The following CASD1 variants were observed in gnomAD, a reference collection of about 807,000 sequenced individuals.
The protein encoded by CASD1 is CAS1 domain sialic acid O acetyltransferase 1.
CASD1 carries 41 observed loss-of-function variants against 100.0 expected under a neutral mutation model. The observed-to-expected ratio is 0.41, with a 90% CI of 0.32 to 0.53. The LOEUF (loss-of-function observed/expected upper bound fraction) is 0.53. CASD1 is among the 20% of genes least tolerant of loss of function. The pLI is 0.25. For synonymous variants in CASD1, 321 were observed against 315.6 expected (o/e 1.02, Z -0.18); for missense variants, 774 against 948.7 (o/e 0.82, Z 2.42).
chr7:94,567,182 A>G, the CASD1 span, among the ~76,000 whole-genome samples: 1 of 151,832 alleles, frequency 6.6e-6, no homozygotes, highest in Non-Finnish European at 1.5e-5. Context: ...TCACACCCAC[A>G]TACCAGATTT....
Position 94,539,631 on chromosome 7 carries a change from T to C in CASD1, c.1356+575T>C, listed in dbSNP as rs1324319167. 4.8e-5 allele frequency among the ~76,000 whole-genome samples: 7 copies of C among 145,204 alleles called. No homozygotes were observed. In the Admixed American group the frequency reaches 5.0e-4, roughly 10 times the overall value. On this transcript the variant is annotated intron_variant, in intron 10 of 17. Coordinates refer to ENST00000297273, the MANE Select transcript of CASD1 (RefSeq NM_022900.5). ...TTGCAATGAGCCGATATTTCACCAC[T>C]GTACTCCAGCCTGGGTTGCAGAGTG...
the CASD1 span, chr7:94,588,633 T>A: frequency 5.8e-6 from 9 of 1,557,796 alleles, no homozygotes; most frequent in Non-Finnish European, 6.2e-6. Flanking sequence ...GCCATAATTA[T>A]CTTTTAATCT....
In CASD1 at chr7:94,533,253, A is replaced by G; in HGVS notation, c.504+4A>G. ...GATTGTAGCAGGAGCTGCCACAGTA[A>G]GTTATCATCTGTATTCTTACTTAAT... On this transcript the variant is annotated splice_donor_region_variant and intron_variant, in intron 6 of 17. Coordinates refer to ENST00000297273, the MANE Select transcript of CASD1 (RefSeq NM_022900.5). 3 of 1,607,624 alleles carry G rather than the reference A, an allele frequency of 1.9e-6. No homozygotes were observed. The highest frequency in any genetic ancestry group is 2.6e-6 in the Non-Finnish European group (3 of 1,175,352).
the CASD1 span, chr7:94,624,324 A>G: frequency 2.5e-6 from 1 of 397,650 alleles, no homozygotes; most frequent in Non-Finnish European, 4.4e-6. Flanking sequence ...CAAATATCAA[A>G]GATTTTTATA....
intron 9 of CASD1, 72 bp downstream of exon 9, chr7:94,537,966 TATC>T: frequency 6.0e-6 from 5 of 829,896 alleles, no homozygotes; most frequent in Non-Finnish European, 9.4e-6. Context: ...AAAGAACTAA[TATC>T]ATTTATCATG....
the CASD1 span, among the ~76,000 whole-genome samples, chr7:94,577,000 A>G: frequency 6.6e-6 from 1 of 152,056 alleles, no homozygotes; most frequent in Non-Finnish European, 1.5e-5. Flanking sequence ...CTTATAATTT[A>G]TATCTTTTTA....
At chr7:94,558,351 T>C (rs1796275506), downstream of CASD1, among the ~76,000 whole-genome samples, 1 of 152,200 alleles carries the variant, frequency 6.6e-6, no homozygotes, top group East Asian at 1.9e-4. Context: ...ATTCAGTGTT[T>C]TGTGTAATGA....
chr7:94,554,967 T>G (rs1475210060), intron 17 of CASD1, among the ~76,000 whole-genome samples: 8 of 152,034 alleles, frequency 5.3e-5, no homozygotes, highest in African/African-American at 1.9e-4. Context: ...GAATTCAGTT[T>G]ATTGATGCAT....
At chr7:94,522,245 TTAAAAA>T (rs1255556530) in intron 3 of CASD1, among the ~76,000 whole-genome samples, 1 of 152,086 alleles carries the variant, frequency 6.6e-6, no homozygotes, top group Admixed American at 6.6e-5. Flanking sequence ...AAGGTTTTAA[TTAAAAA>T]TGAAAAAGGA....
chr7:94,527,210 A>T lies in CASD1; in HGVS notation c.396+4A>T. 6.2e-7 allele frequency: 1 copy of T among 1,600,048 alleles called. No individual in the cohort carries two copies. Among genetic ancestry groups the T allele is most frequent in the South Asian group, 1.1e-5 (1 of 90,328 alleles). On this transcript the variant is annotated splice_donor_region_variant and intron_variant, in intron 4 of 17. Transcript: ENST00000297273. ...CAAGACTGCATCAGTTAAAGTGGTA[A>T]GTTCATGTAATAGTAAGCTAGATGT...
chr7:94,569,240 T>C, the CASD1 span, among the ~76,000 whole-genome samples: 3 of 152,256 alleles, frequency 2.0e-5, no homozygotes, highest in Middle Eastern at 3.4e-3. Flanking sequence ...ATAAATAAGG[T>C]CATTCACTGC....
the CASD1 span, among the ~76,000 whole-genome samples, chr7:94,613,272 A>G: frequency 0.13 from 19,098 of 152,242 alleles, 1,436 homozygotes; most frequent in South Asian, 0.24. Context: ...GTCTGAGTCC[A>G]TGTGTAATAA....
the CASD1 span, among the ~76,000 whole-genome samples, chr7:94,601,827 T>A: frequency 6.6e-6 from 1 of 152,144 alleles, no homozygotes; most frequent in Admixed American, 6.6e-5. Context: ...CAACACAGCC[T>A]TGTGCTTATT....
chr7:94,572,514 C>T, the CASD1 span, among the ~76,000 whole-genome samples: 2 of 152,150 alleles, frequency 1.3e-5, no homozygotes, highest in African/African-American at 4.8e-5. Context: ...TGCTTGGCCA[C>T]ATGTATGTGT....
chr7:94,551,304 T>C (rs746048186), intron 14 of CASD1, 34 bp from the exon 15 acceptor site: 2 of 1,497,206 alleles, frequency 1.3e-6, no homozygotes, highest in Non-Finnish European at 1.8e-6. Flanking sequence ...GAAAAGTAAC[T>C]GTTTAAAACA....
the CASD1 span, chr7:94,618,480 G>A: frequency 2.7e-5 from 9 of 337,920 alleles, no homozygotes; most frequent in African/African-American, 1.7e-4. Context: ...TAAATAATCA[G>A]CTTCTTAATG....
At chr7:94,627,902 T>C in the CASD1 span, 3 of 324,870 alleles carry the variant, frequency 9.2e-6, no homozygotes, top group East Asian at 1.9e-4. Context: ...CAAATAAGTC[T>C]ATCAAGTCTA....
At chr7:94,568,209 G>A in the CASD1 span, among the ~76,000 whole-genome samples, 1 of 152,114 alleles carries the variant, frequency 6.6e-6, no homozygotes, top group African/African-American at 2.4e-5. Flanking sequence ...AGAGTAAAAA[G>A]TACATAAATC....
At chr7:94,599,257 C>G in the CASD1 span, 1 of 305,044 alleles carries the variant, frequency 3.3e-6, no homozygotes, top group Non-Finnish European at 6.0e-6. Context: ...TATTTATTTT[C>G]TATGATTTAA....
Sources: gnomAD v4.1 joint callset for allele counts (sites outside exome capture counted in the v4.1 genomes callset) on GRCh38, gnomAD v4.1.1 for gene constraint, MANE v1.5 for transcripts, NCBI Gene and HGNC (gene_info 2026-07-23, HGNC 2026-07-21) for gene names.